The following IL17RD variants were observed in gnomAD, a reference collection of about 807,000 sequenced individuals.
The protein encoded by IL17RD is interleukin 17 receptor D.
A neutral mutation model predicts 80.5 loss-of-function variants in IL17RD; 52 were observed. The observed-to-expected ratio is 0.65, with a 90% CI of 0.52 to 0.81. The LOEUF is 0.81. Among genes scored for constraint, IL17RD ranks in the 40% least tolerant of loss-of-function variants. The probability of loss-of-function intolerance (pLI) is 0.00; values close to 1 mark genes in which losing one functional copy is unlikely to be tolerated. For missense variants in IL17RD, 1,024 were observed against 955.1 expected, an observed-to-expected ratio of 1.07 and a Z score of -0.95; for synonymous variants, 416 against 391.8, an observed-to-expected ratio of 1.06 and a Z score of -0.73.
chr3:57,099,439 G>A (rs941020068), intron 11 of IL17RD, among the ~76,000 whole-genome samples: 2 of 152,160 alleles, frequency 1.3e-5, no homozygotes, highest in African/African-American at 4.8e-5. Flanking sequence ...CTTGGTTATT[G>A]TGTTGATGTC....
At chr3:57,152,595 A>T (rs2060234660) in intron 1 of IL17RD, among the ~76,000 whole-genome samples, 1 of 152,240 alleles carries the variant, frequency 6.6e-6, no homozygotes, top group Admixed American at 6.5e-5. Context: ...TAAGAATAAC[A>T]ACTTGTTGCT....
intron 10 of IL17RD, among the ~76,000 whole-genome samples, chr3:57,101,926 G>A (rs1308506813): frequency 2.0e-5 from 3 of 151,994 alleles, no homozygotes; most frequent in African/African-American, 7.3e-5. Context: ...TATACTTCAG[G>A]CTTCCTTTAT....
chr3:57,108,509 C>CTTTTT (rs34594516), intron 5 of IL17RD, among the ~76,000 whole-genome samples: 2,125 of 49,160 alleles, frequency 0.043, 362 homozygotes, highest in African/African-American at 0.057. Flanking sequence ...TGATACATGG[C>CTTTTT]TTTTTTTTTT....
chr3:57,161,122 A>T (rs1014508813), intron 1 of IL17RD, among the ~76,000 whole-genome samples: 2 of 152,252 alleles, frequency 1.3e-5, no homozygotes, highest in Non-Finnish European at 2.9e-5. Flanking sequence ...ACAGGCTGGA[A>T]GAAAGCTTTG....
chr3:57,103,045 G>T, intron 9 of IL17RD, 46 bp downstream of exon 9: 2 of 1,340,948 alleles, frequency 1.5e-6, no homozygotes, highest in Non-Finnish European at 2.1e-6. Flanking sequence ...CACATACCTT[G>T]GTCTATAGTA....
intron 5 of IL17RD, 78 bp from the exon 6 acceptor site, chr3:57,106,232 A>G: frequency 9.7e-7 from 1 of 1,032,874 alleles, no homozygotes; most frequent in East Asian, 2.5e-5. Flanking sequence ...CCAATGAAAT[A>G]TAAAGATACT....
Position 57,096,639 on chromosome 3 carries a change from A to T in IL17RD, c.2108-134T>A, listed in dbSNP as rs1031529267. 3 of 675,976 alleles carry T rather than the reference A, an allele frequency of 4.4e-6. No individual in the cohort carries two copies. The Admixed American group carries it at 6.8e-5, about 15-fold the overall frequency. 41.9% of individuals were successfully genotyped at this position (675,976 alleles called of 1,614,324 possible). On this transcript the variant is annotated intron_variant, in intron 12 of 12. Transcript: ENST00000296318. ...ATAAACGAGGCAAGAATCCCAACCAACTCAAGATGGGGCACTCTCATCCTC... is the reference window on the plus strand; with the variant it reads ...ATAAACGAGGCAAGAATCCCAACCATCTCAAGATGGGGCACTCTCATCCTC...
chr3:57,164,039 T>C lies in IL17RD; in HGVS notation c.126+1122A>G, dbSNP rs148420991. 4.3e-4 allele frequency among the ~76,000 whole-genome samples: 65 copies of C among 152,254 alleles called. No homozygotes were observed. In the East Asian group the frequency reaches 0.01, roughly 24 times the overall value. ...CCACCCAGAAGAGGCTGAGTCAACGTTCGCCTAAGCAAACCACTCCATACC... is the reference window on the plus strand; with the variant it reads ...CCACCCAGAAGAGGCTGAGTCAACGCTCGCCTAAGCAAACCACTCCATACC... On this transcript the variant is annotated intron_variant, in intron 1 of 12. Coordinates refer to ENST00000296318, the MANE Select transcript of IL17RD (RefSeq NM_017563.5).
At chr3:57,128,011 C>G (rs534467363) in intron 1 of IL17RD, among the ~76,000 whole-genome samples, 1 of 152,144 alleles carries the variant, frequency 6.6e-6, no homozygotes, top group Non-Finnish European at 1.5e-5. Flanking sequence ...GAACGCAAAA[C>G]GCAGGGAAAA....
chr3:57,110,395 C>G, intron 3 of IL17RD, 84 bp from the exon 4 acceptor site: 1 of 1,416,360 alleles, frequency 7.1e-7, no homozygotes, highest in Non-Finnish European at 9.7e-7. Flanking sequence ...ACCATCTTCT[C>G]TACCTACACA....
chr3:57,152,819 C>T (rs1298135475), intron 1 of IL17RD, among the ~76,000 whole-genome samples: 1 of 152,162 alleles, frequency 6.6e-6, no homozygotes, highest in Non-Finnish European at 1.5e-5. Context: ...TAGAAACTGA[C>T]TTGGAGGATA....
At chr3:57,129,700 T>C (rs1027242800) in intron 1 of IL17RD, among the ~76,000 whole-genome samples, 1 of 152,224 alleles carries the variant, frequency 6.6e-6, no homozygotes, top group African/African-American at 2.4e-5. Flanking sequence ...GGCCATCATT[T>C]TAGGTTTCAG....
intron 11 of IL17RD, among the ~76,000 whole-genome samples, chr3:57,100,669 C>T (rs1706805851): frequency 6.6e-6 from 1 of 152,164 alleles, no homozygotes; most frequent in African/African-American, 2.4e-5. Context: ...CTTCACAGAG[C>T]CCTTCGTTTA....
At chr3:57,110,068 G>A in intron 4 of IL17RD, 125 bp downstream of exon 4, 1 of 1,056,558 alleles carries the variant, frequency 9.5e-7, no homozygotes, top group South Asian at 1.5e-5. Context: ...TACCATTCTT[G>A]CCCACCTTGG....
intron 1 of IL17RD, among the ~76,000 whole-genome samples, chr3:57,139,184 A>T (rs1707784859): frequency 6.6e-6 from 1 of 152,166 alleles, no homozygotes; most frequent in Non-Finnish European, 1.5e-5. Context: ...AGTGTAAAAA[A>T]ATAACAAAAA....
rs892802970 is a variant in IL17RD at position 57,090,703 on chromosome 3, C to A, written c.*5690G>T. ...TACAGGCGTGAGCCACCGTGCCCCGCCTGATACCAAACTTTTAAAACAACA... is the reference window on the plus strand; with the variant it reads ...TACAGGCGTGAGCCACCGTGCCCCGACTGATACCAAACTTTTAAAACAACA... On this transcript the variant is annotated 3_prime_UTR_variant, in exon 13 of 13. Transcript: ENST00000296318. 6.6e-6 allele frequency: 1 copy of A among 152,260 alleles called. No individual in the cohort carries two copies. Among genetic ancestry groups the A allele is most frequent in the African/African-American group, 2.4e-5 (1 of 41,468 alleles). 9.4% of individuals were successfully genotyped at this position (152,260 alleles called of 1,614,324 possible).
In IL17RD at chr3:57,156,796, C is replaced by T. The variant is rs554254526; in HGVS notation, c.126+8365G>A. On this transcript the variant is annotated intron_variant, in intron 1 of 12. Coordinates refer to ENST00000296318, the MANE Select transcript of IL17RD (RefSeq NM_017563.5). Reference sequence around the variant, plus strand: ...TTACCATCCCCCGACCAATGAGCCCCCTTCTCCAGCTTTGCCCACATCTTA... The same window carrying T: ...TTACCATCCCCCGACCAATGAGCCCTCTTCTCCAGCTTTGCCCACATCTTA... Among the ~76,000 whole-genome samples the T allele has an allele frequency of 5.0e-4, 76 of 152,022 alleles. 2 individuals carry two copies. In the South Asian group the frequency reaches 0.016, roughly 31 times the overall value.
At chr3:57,114,135 G>A (rs964731539) in intron 3 of IL17RD, among the ~76,000 whole-genome samples, 1 of 150,252 alleles carries the variant, frequency 6.7e-6, no homozygotes, top group Non-Finnish European at 1.5e-5. Flanking sequence ...AGTGAGCCGA[G>A]ATCGCACCAT....
At chr3:57,121,918 C>T (rs1707348001) in intron 1 of IL17RD, among the ~76,000 whole-genome samples, 1 of 152,204 alleles carries the variant, frequency 6.6e-6, no homozygotes, top group Admixed American at 6.5e-5. Flanking sequence ...AGGAGCCAGA[C>T]ATTATGCTAG....
Sources: gnomAD v4.1 joint callset for allele counts (sites outside exome capture counted in the v4.1 genomes callset) on GRCh38, gnomAD v4.1.1 for gene constraint, MANE v1.5 for transcripts, NCBI Gene and HGNC (gene_info 2026-07-23, HGNC 2026-07-21) for gene names.